The following CLVS1 variants were observed in gnomAD, a reference collection of about 807,000 sequenced individuals.
CLVS1 encodes the protein clavesin 1.
Under a neutral mutation model 33.1 loss-of-function variants are expected in CLVS1, and 10 were observed. The observed-to-expected ratio is 0.30, with a 90% CI of 0.19 to 0.51. CLVS1 has a LOEUF of 0.51. Ranked by LOEUF, CLVS1 falls within the 20% of genes least tolerant of loss-of-function variation. The pLI, the probability that CLVS1 is intolerant of heterozygous loss-of-function variation, is 0.97. For synonymous variants in CLVS1, 163 were observed against 166.1 expected (o/e 0.98, Z 0.14); for missense variants, 343 against 433.4 (o/e 0.79, Z 1.85).
chr8:61,417,681 C>T (rs1244022409), intron 3 of CLVS1, among the ~76,000 whole-genome samples: 1 of 152,182 alleles, frequency 6.6e-6, no homozygotes, highest in African/African-American at 2.4e-5. Context: ...TATCTTATGG[C>T]ATCTTCCAAC....
intron 2 of CLVS1, among the ~76,000 whole-genome samples, chr8:61,254,589 C>A (rs1251149042): frequency 6.6e-6 from 1 of 152,162 alleles, no homozygotes; most frequent in Non-Finnish European, 1.5e-5. Context: ...TTCCCAGCCA[C>A]TTTGTTTACC....
At position 61,330,934 on chromosome 8, in the gene CLVS1, A is replaced by T. The variant is rs897728415; in HGVS notation, c.455+30652A>T. Among the ~76,000 whole-genome samples the T allele has an allele frequency of 5.3e-5, 8 of 152,158 alleles. No homozygotes were observed. The South Asian group carries it at 1.7e-3, about 32-fold the overall frequency. ...CTGAAGCCCCATTTCAAAAAAAAAA[A>T]AAAATTAGCTAGGCATGGTGGCATG... On this transcript the variant is annotated intron_variant, in intron 2 of 5. Transcript: ENST00000325897.
chr8:61,188,423 G>A (rs1192283167), intron 2 of CLVS1, among the ~76,000 whole-genome samples: 2 of 151,460 alleles, frequency 1.3e-5, no homozygotes, highest in Non-Finnish European at 2.9e-5. Context: ...AACACATTAG[G>A]GACAACCTAA....
rs60394383 is a variant in CLVS1, at chr8:61,108,515, T to C, written c.-242-23255T>C. ...TATGTATATACACCCTGAGATAATA[T>C]GTGCATCCTTAACTACACTTGGAAG... On this transcript the variant is annotated intron_variant, in intron 1 of 2. Transcript: ENST00000522621. Among the ~76,000 whole-genome samples, 887 of 152,290 alleles carry C rather than the reference T, an allele frequency of 5.8e-3. 14 individuals are homozygous for C. The highest frequency in any genetic ancestry group is 0.02 in the African/African-American group (847 of 41,538).
chr8:61,337,357 T>G (rs1212046919), intron 2 of CLVS1, among the ~76,000 whole-genome samples: 1 of 152,158 alleles, frequency 6.6e-6, no homozygotes, highest in South Asian at 2.1e-4. Flanking sequence ...TCTGTATACT[T>G]TCAGTTCATA....
intron 2 of CLVS1, among the ~76,000 whole-genome samples, chr8:61,142,154 C>T (rs141286664): frequency 1.9e-4 from 29 of 152,232 alleles, no homozygotes; most frequent in African/African-American, 6.7e-4. Flanking sequence ...TGTGAGGGAG[C>T]GACGTGGTGG....
intron 2 of CLVS1, among the ~76,000 whole-genome samples, chr8:61,164,410 G>T (rs1240649353): frequency 6.6e-6 from 1 of 152,210 alleles, no homozygotes; most frequent in African/African-American, 2.4e-5. Flanking sequence ...GGGCTGGCAA[G>T]CTTTGGTATG....
chr8:61,132,106 C>T (rs930469239), intron 2 of CLVS1, among the ~76,000 whole-genome samples: 8 of 152,346 alleles, frequency 5.3e-5, no homozygotes, highest in Non-Finnish European at 8.8e-5. Context: ...AAGGCTGGTA[C>T]CTCTCACAAA....
intron 2 of CLVS1, among the ~76,000 whole-genome samples, chr8:61,198,429 G>T (rs1418735270): frequency 1.3e-5 from 2 of 152,062 alleles, no homozygotes; most frequent in Non-Finnish European, 2.9e-5. Flanking sequence ...ACCCAGGCTG[G>T]ATTGCAGTGG....
At chr8:61,117,873 G>A (rs898273364) in intron 1 of CLVS1, among the ~76,000 whole-genome samples, 10 of 149,034 alleles carry the variant, frequency 6.7e-5, no homozygotes, top group Non-Finnish European at 1.3e-4. Flanking sequence ...GTATCAGAAT[G>A]ATGCTGGCTT....
At chr8:61,155,174 G>T (rs553544312) in intron 2 of CLVS1, among the ~76,000 whole-genome samples, 1 of 152,338 alleles carries the variant, frequency 6.6e-6, no homozygotes, top group African/African-American at 2.4e-5. Flanking sequence ...GGTCGTGAGT[G>T]TGTTGGGTGT....
intron 2 of CLVS1, among the ~76,000 whole-genome samples, chr8:61,200,173 C>T (rs1467560546): frequency 6.6e-6 from 1 of 152,142 alleles, no homozygotes; most frequent in Non-Finnish European, 1.5e-5. Context: ...GGCTGGGGTG[C>T]AGTGGTGCGA....
chr8:60,978,949 T>G, the CLVS1 span, among the ~76,000 whole-genome samples: 1 of 152,186 alleles, frequency 6.6e-6, no homozygotes, highest in African/African-American at 2.4e-5. Context: ...CTAATGGTTT[T>G]ATTAGTGGAT....
At chr8:61,455,094 G>A (rs1315172679) in intron 4 of CLVS1, among the ~76,000 whole-genome samples, 1 of 151,786 alleles carries the variant, frequency 6.6e-6, no homozygotes, top group African/African-American at 2.4e-5. Flanking sequence ...GGTGTTCAAT[G>A]TGATGTTTTT....
chr8:61,172,421 T>G (rs928793108), intron 2 of CLVS1, among the ~76,000 whole-genome samples: 1 of 152,186 alleles, frequency 6.6e-6, no homozygotes, highest in Admixed American at 6.5e-5. Context: ...AAATTGTTAT[T>G]TTCTCTTTCT....
At chr8:61,473,743 A>T (rs1463344011) in intron 5 of CLVS1, among the ~76,000 whole-genome samples, 2 of 152,228 alleles carry the variant, frequency 1.3e-5, no homozygotes, top group Admixed American at 1.3e-4. Context: ...GGATATTGGG[A>T]TGAAGGTAAG....
At chr8:61,431,783 G>T (rs747053586) in intron 3 of CLVS1, among the ~76,000 whole-genome samples, 1 of 152,088 alleles carries the variant, frequency 6.6e-6, no homozygotes, top group Non-Finnish European at 1.5e-5. Flanking sequence ...GCAGGCACTC[G>T]ATATATAGGT....
At chr8:61,455,352 G>T (rs772395775) in intron 4 of CLVS1, among the ~76,000 whole-genome samples, 4 of 151,964 alleles carry the variant, frequency 2.6e-5, no homozygotes, top group Admixed American at 2.6e-4. Flanking sequence ...TTTTTCCAGT[G>T]TCTCTCCATT....
intron 1 of CLVS1, among the ~76,000 whole-genome samples, chr8:61,077,898 C>T (rs1451292766): frequency 6.6e-6 from 1 of 152,164 alleles, no homozygotes; most frequent in Non-Finnish European, 1.5e-5. Flanking sequence ...TGAGCTGCTG[C>T]GTTGCCATGC....
Sources: allele counts gnomAD v4.1 joint callset (sites outside exome capture counted in the v4.1 genomes callset), GRCh38; gene constraint gnomAD v4.1.1; transcripts MANE v1.5; gene names NCBI Gene and HGNC (gene_info 2026-07-23, HGNC 2026-07-21).